PLEKHA8: variants seen among roughly 807,000 people sequenced by gnomAD.
The protein encoded by PLEKHA8 is pleckstrin homology domain-containing family A member 8.
In PLEKHA8, 36 loss-of-function variants were observed where a neutral mutation model predicts 68.2. The ratio of observed to expected loss-of-function variants is 0.53; its 90% CI spans 0.40 to 0.70. The LOEUF is 0.70. Among genes scored for constraint, PLEKHA8 ranks in the 30% least tolerant of loss-of-function variants. The probability of loss-of-function intolerance (pLI) is 0.00; values close to 1 mark genes in which losing one functional copy is unlikely to be tolerated. For missense variants in PLEKHA8, 505 were observed against 615.4 expected (o/e 0.82, Z 1.90); for synonymous variants, 211 against 216.1 (o/e 0.98, Z 0.20).
At chr7:30,077,054 A>G (rs900810086) in intron 13 of PLEKHA8, among the ~76,000 whole-genome samples, 2 of 151,734 alleles carry the variant, frequency 1.3e-5, no homozygotes, top group Admixed American at 1.3e-4. Flanking sequence ...AGACAGTTGA[A>G]CTCTATTACT....
At chr7:30,085,761 T>G (rs1795157244), downstream of PLEKHA8, among the ~76,000 whole-genome samples, 1 of 151,804 alleles carries the variant, frequency 6.6e-6, no homozygotes, top group Non-Finnish European at 1.5e-5. Context: ...GAGTGTTGAG[T>G]GGTAGGTGCT....
intron 13 of PLEKHA8, among the ~76,000 whole-genome samples, chr7:30,110,284 T>G (rs1032547109): frequency 6.6e-6 from 1 of 152,246 alleles, no homozygotes; most frequent in Non-Finnish European, 1.5e-5. Context: ...TGTGGTGTTT[T>G]ATGTCTGGCT....
At chr7:30,037,369 AT>A (rs1361064283) in intron 1 of PLEKHA8, among the ~76,000 whole-genome samples, 3 of 152,040 alleles carry the variant, frequency 2.0e-5, no homozygotes, top group Non-Finnish European at 4.4e-5. Context: ...GGGTCTCGCT[AT>A]GTTGCCCAAG....
rs544861316 is a variant in PLEKHA8 at position 30,103,080 on chromosome 7, AAG to A, written c.1363-26172_1363-26171del. The stretch of plus-strand genomic sequence containing the variant: ...CAAGACCTTGTCTTTAAAAAAAAGA[AAG>A]AGAGAGAGAGAGATTACCAGGTGCT... On this transcript the variant is annotated intron_variant, in intron 13 of 13. Coordinates refer to the PLEKHA8 transcript ENST00000396257. Among the ~76,000 whole-genome samples, 51 of 152,002 alleles carry A rather than the reference AAG, an allele frequency of 3.4e-4. 1 individual carries two copies. The highest frequency in any genetic ancestry group is 6.5e-4 in the Non-Finnish European group (44 of 67,954).
rs142317128 is a variant in PLEKHA8, at chr7:30,049,235, T to A, written c.450T>A (p.Asp150Glu). 145 of 1,613,758 alleles carry A rather than the reference T, an allele frequency of 9.0e-5. No individual in the cohort carries two copies. The African/African-American group carries it at 1.7e-3, about 18-fold the overall frequency. ...TGGTTGTTTCGTAGGAGGGAATTGA[T>A]GTGGGAACTTTGCTGAAATCAACCT... ...TGVSNSEEGIDVGTLLKSTCN... is the reference protein window; with the variant it reads ...TGVSNSEEGIEVGTLLKSTCN... Residue 150 changes from aspartate to glutamate, a missense_variant, in exon 5 of 14, where the codon GAT becomes GAA. Transcript: ENST00000449726.
intron 1 of PLEKHA8, among the ~76,000 whole-genome samples, chr7:30,039,644 A>G (rs1437979432): frequency 6.6e-6 from 1 of 152,182 alleles, no homozygotes; most frequent in Non-Finnish European, 1.5e-5. Flanking sequence ...CAGAAATACA[A>G]TTTTAATTGT....
intron 9 of PLEKHA8, among the ~76,000 whole-genome samples, chr7:30,056,830 TTATA>T (rs970219970): frequency 3.4e-5 from 5 of 145,652 alleles, no homozygotes; most frequent in African/African-American, 1.3e-4. Context: ...TATATATATG[TTATA>T]TATATATTTA....
Position 30,083,483 on chromosome 7 carries a change from T to C in PLEKHA8, c.*4696T>C. 1.0e-6 allele frequency: 1 copy of C among 985,330 alleles called. No homozygotes were observed. Among genetic ancestry groups the C allele is most frequent in the Non-Finnish European group, 1.2e-6 (1 of 829,836 alleles). 61.0% of individuals were successfully genotyped at this position (985,330 alleles called of 1,614,324 possible). ...CCATCCTGTCTCAGACAGTCAATAG[T>C]CCTGTGTACAGTGACTATTTGCATG... is the stretch of plus-strand genomic sequence containing the variant. On this transcript the variant is annotated 3_prime_UTR_variant, in exon 14 of 14. Coordinates refer to ENST00000449726, the MANE Select transcript of PLEKHA8 (RefSeq NM_001197026.2).
At chr7:30,048,007 AGTG>A in intron 4 of PLEKHA8, 51 bp downstream of exon 4, 1 of 1,015,260 alleles carries the variant, frequency 9.8e-7, no homozygotes, top group East Asian at 3.9e-5. Flanking sequence ...ATATAAAAGA[AGTG>A]ACTACCAGTA....
rs775243691 is a variant in PLEKHA8, at chr7:30,115,420, ATG to A, written c.1363-13842_1363-13841del. The stretch of plus-strand genomic sequence containing the variant: ...AAATGTTTTCTCCTTTTTGTATTAT[ATG>A]TGTTTAGATATACATATATACATGT... On this transcript the variant is annotated intron_variant, in intron 13 of 13. Transcript: ENST00000396257. Among the ~76,000 whole-genome samples the A allele has an allele frequency of 1.0e-3, 159 of 152,124 alleles. 1 individual carries two copies. Among genetic ancestry groups the A allele is most frequent in the Middle Eastern group, 3.4e-3 (1 of 294 alleles).
intron 1 of PLEKHA8, among the ~76,000 whole-genome samples, chr7:30,030,960 G>C (rs1048749508): frequency 8.5e-5 from 13 of 152,132 alleles, no homozygotes; most frequent in South Asian, 6.2e-4. Context: ...CCCAATCCAA[G>C]TTTTTGTTCA....
At chr7:30,130,138 C>T (rs1796849244), downstream of PLEKHA8, 1 of 152,254 alleles carries the variant, frequency 6.6e-6, no homozygotes. Flanking sequence ...TGGTGTAATG[C>T]TCTTGGGACC....
chr7:30,116,046 G>A (rs570159778), intron 13 of PLEKHA8: 9 of 144,340 alleles, frequency 6.2e-5, no homozygotes, highest in East Asian at 2.0e-4. Context: ...GTGCGCATAC[G>A]CATACATACG....
chr7:30,074,001 A>AG (rs35610327), intron 12 of PLEKHA8, 70 bp from the exon 13 acceptor site: 125,142 of 1,277,686 alleles, frequency 0.098, 4,090 homozygotes, highest in African/African-American at 0.14. Flanking sequence ...AAAAAAAAAA[A>AG]GTACATTATA....
chr7:30,034,010 C>CTTT lies in PLEKHA8; in HGVS notation c.40+5238_40+5240dup, dbSNP rs56796780. On this transcript the variant is annotated intron_variant, in intron 1 of 13. Coordinates refer to ENST00000449726, the MANE Select transcript of PLEKHA8 (RefSeq NM_001197026.2). ...TTCATTACAGAGTTGTAAGAGGTTT[C>CTTT]TTTTTTTTTTTTTTTTTTTTTTTTT... is the stretch of plus-strand genomic sequence containing the variant. Among the ~76,000 whole-genome samples, 53 of 34,662 alleles carry CTTT rather than the reference C, an allele frequency of 1.5e-3. 6 individuals are homozygous for CTTT. Among genetic ancestry groups the CTTT allele is most frequent in the African/African-American group, 3.8e-3 (30 of 7,896 alleles). 22.7% of individuals were successfully genotyped at this position (34,662 alleles called of 152,430 possible). A position where few individuals can be genotyped will look rare whatever the true frequency, so the allele number is the denominator to read the frequency against.
At chr7:30,089,866 A>T (rs1184155671) in intron 12 of PLEKHA8, among the ~76,000 whole-genome samples, 2 of 152,206 alleles carry the variant, frequency 1.3e-5, no homozygotes, top group Admixed American at 1.3e-4. Flanking sequence ...CCCTAAAATA[A>T]TATAGAACAA....
intron 9 of PLEKHA8, among the ~76,000 whole-genome samples, chr7:30,056,741 AAGTGT>A (rs1258673782): frequency 4.2e-5 from 3 of 72,196 alleles, no homozygotes; most frequent in Non-Finnish European, 5.6e-5. Context: ...AAAAAAAAAA[AAGTGT>A]GTGTGTGTGT....
In PLEKHA8 at chr7:30,078,631, C is replaced by T. The variant is rs374610561; in HGVS notation, c.1404C>T (p.Ala468=). ...RAAPSYEDFV[A]ALTVKEGDHQ... ...CTCCATCCTATGAAGATTTTGTGGC[C>T]GCGTTAACCGTAAAGGAAGGTGACC... Residue 468 remains alanine (A), a synonymous_variant, in exon 14 of 14, where the codon GCC becomes GCT. Transcript: ENST00000449726. 4.0e-4 allele frequency: 640 copies of T among 1,613,742 alleles called. No homozygotes were observed. The highest frequency in any genetic ancestry group is 4.7e-4 in the Non-Finnish European group (552 of 1,179,820).
chr7:30,028,855 G>A, intron 1 of PLEKHA8, 53 bp downstream of exon 1: 4 of 1,247,282 alleles, frequency 3.2e-6, no homozygotes, highest in Non-Finnish European at 4.0e-6. Context: ...CTTTGTCTGC[G>A]CGGCTGGAGG....
Sources: gnomAD v4.1 joint callset for allele counts (sites outside exome capture counted in the v4.1 genomes callset) on GRCh38, gnomAD v4.1.1 for gene constraint, MANE v1.5 for transcripts, NCBI Gene and HGNC (gene_info 2026-07-23, HGNC 2026-07-21) for gene names.